The following EPB41L1 variants were observed in gnomAD, a reference collection of about 807,000 sequenced individuals.
EPB41L1 encodes the protein erythrocyte membrane protein band 4.1 like 1, also known as band 4.1-like protein 1.
Under a neutral mutation model 97.8 loss-of-function variants are expected in EPB41L1, and 29 were observed. The observed-to-expected ratio is 0.30, with a 90% CI of 0.22 to 0.40. The LOEUF is 0.40. Ranked by LOEUF, EPB41L1 falls within the 10% of genes least tolerant of loss-of-function variation. The pLI is 1.00. For synonymous variants in EPB41L1, 383 were observed against 459.2 expected (o/e 0.83, Z 2.12); for missense variants, 812 against 1,162.3 (o/e 0.70, Z 4.38).
intron 2 of EPB41L1, among the ~76,000 whole-genome samples, chr20:36,137,407 G>A (rs1345254465): frequency 6.6e-6 from 1 of 151,608 alleles, no homozygotes; most frequent in Non-Finnish European, 1.5e-5. Flanking sequence ...TTTGGATACA[G>A]ATTGGGTCTC....
chr20:36,227,253 G>A (rs1247681505), intron 21 of EPB41L1, among the ~76,000 whole-genome samples: 1 of 152,084 alleles, frequency 6.6e-6, no homozygotes. Flanking sequence ...GGAGGTCCAG[G>A]CTGCAATGAG....
At chr20:36,095,897 G>A (rs566970758) in intron 1 of EPB41L1, among the ~76,000 whole-genome samples, 123 of 152,158 alleles carry the variant, frequency 8.1e-4, no homozygotes, top group African/African-American at 2.9e-3. Flanking sequence ...ATGGTGGCAC[G>A]CGCCTGTAAT....
chr20:36,178,274 C>T (rs184250653), intron 4 of EPB41L1, among the ~76,000 whole-genome samples: 1 of 152,346 alleles, frequency 6.6e-6, no homozygotes, highest in African/African-American at 2.4e-5. Context: ...GAGCCCTGGT[C>T]TGGCTGCTAG....
At position 36,168,984 on chromosome 20, in the gene EPB41L1, T is replaced by C. The variant is rs191371445; in HGVS notation, c.-14-4780T>C. 4.7e-3 allele frequency among the ~76,000 whole-genome samples: 713 copies of C among 151,634 alleles called. 4 individuals carry two copies. Among genetic ancestry groups the C allele is most frequent in the Non-Finnish European group, 8.8e-3 (598 of 67,884 alleles). ...GGCTCACGCCTGTAATCCTAGCACTTTGGGAGGCCAAGGCGGGTGGATCAC... is the reference window on the plus strand; with the variant it reads ...GGCTCACGCCTGTAATCCTAGCACTCTGGGAGGCCAAGGCGGGTGGATCAC... On this transcript the variant is annotated intron_variant, in intron 1 of 21. Coordinates refer to ENST00000338074, the MANE Select transcript of EPB41L1 (RefSeq NM_012156.2).
intron 15 of EPB41L1, among the ~76,000 whole-genome samples, chr20:36,211,993 ATAG>A (rs2063159246): frequency 1.3e-5 from 2 of 152,240 alleles, no homozygotes; most frequent in South Asian, 4.1e-4. Flanking sequence ...AGATGTTCTA[ATAG>A]TAGCCTAAAA....
intron 2 of EPB41L1, chr20:36,125,430 T>C: frequency 1.3e-6 from 1 of 786,476 alleles, no homozygotes; most frequent in Non-Finnish European, 2.2e-6. Flanking sequence ...CAGGCTGCTG[T>C]TCGTACCTGC....
In EPB41L1 at chr20:36,232,638, TAAC is replaced by T; in HGVS notation, c.*3302_*3304del. The T allele has an allele frequency of 2.5e-6, 1 of 399,074 alleles. No individual in the cohort carries two copies. Among genetic ancestry groups the T allele is most frequent in the Non-Finnish European group, 4.4e-6 (1 of 226,086 alleles). 24.7% of individuals were successfully genotyped at this position (399,074 alleles called of 1,614,324 possible). ...ATAATTTTTTTTTTCAAAAGCACCTTAACAACCAATTGCGATGCTGTCCTGTTC... is the reference window on the plus strand; with the variant it reads ...ATAATTTTTTTTTTCAAAAGCACCTTAACCAATTGCGATGCTGTCCTGTTC... On this transcript the variant is annotated 3_prime_UTR_variant, in exon 22 of 22. Transcript: ENST00000338074.
chr20:36,139,740 A>ATTTATTTATTTATTTATTTT (rs943742073), intron 2 of EPB41L1, among the ~76,000 whole-genome samples: 1 of 151,648 alleles, frequency 6.6e-6, no homozygotes, highest in African/African-American at 2.4e-5. Flanking sequence ...TTATTTATTT[A>ATTTATTTATTTATTTATTTT]TTTTTTTTAA....
At chr20:36,100,576 G>C (rs1344490693) in intron 1 of EPB41L1, among the ~76,000 whole-genome samples, 1 of 152,224 alleles carries the variant, frequency 6.6e-6, no homozygotes, top group Non-Finnish European at 1.5e-5. Flanking sequence ...AAGTGAGGCA[G>C]AGATGATGAT....
chr20:36,214,434 C>T lies in EPB41L1; in HGVS notation c.2262C>T (p.Thr754=). 2 of 1,612,904 alleles carry T rather than the reference C, an allele frequency of 1.2e-6. No individual in the cohort carries two copies. Among genetic ancestry groups the T allele is most frequent in the African/African-American group, 1.3e-5 (1 of 74,976 alleles). The change falls in exon 17 of 22, where the codon ACC becomes ACT. Residue 754 remains threonine, a synonymous_variant. Coordinates refer to ENST00000338074, the MANE Select transcript of EPB41L1 (RefSeq NM_012156.2). ...TPSITTETIS[T]TMENSLKSGK... The stretch of plus-strand genomic sequence containing the variant: ...CCATCACCACGGAGACCATATCGAC[C>T]ACCATGGTAAGTTGAACCCAGGAGG...
At position 36,207,149 on chromosome 20, in the gene EPB41L1, C is replaced by G; in HGVS notation, c.1669-2339C>G. The G allele has an allele frequency of 7.8e-7, 1 of 1,289,546 alleles. No homozygotes were observed. The highest frequency in any genetic ancestry group is 1.0e-6 in the Non-Finnish European group (1 of 988,620). 79.9% of individuals were successfully genotyped at this position (1,289,546 alleles called of 1,614,324 possible). On this transcript the variant is annotated intron_variant, in intron 14 of 21. Coordinates refer to ENST00000338074, the MANE Select transcript of EPB41L1 (RefSeq NM_012156.2). This position sits in a 1 kb window ranked among gnomAD's most constrained non-coding sequence, Gnocchi z 4.9. ...CTGGAGGAAGCTTCTCCAAGCCCAA[C>G]CTCCCATGGGTCAGGGGAGCCTTCG...
At chr20:36,130,827 G>A (rs185277133) in intron 2 of EPB41L1, among the ~76,000 whole-genome samples, 112 of 148,614 alleles carry the variant, frequency 7.5e-4, no homozygotes, top group African/African-American at 2.6e-3. Flanking sequence ...TTTTTTCCCC[G>A]AGACAGAGTT....
At chr20:36,218,073 G>T (rs2063548005) in intron 17 of EPB41L1, among the ~76,000 whole-genome samples, 1 of 152,174 alleles carries the variant, frequency 6.6e-6, no homozygotes. Context: ...AGAATTTAAG[G>T]TAGGGCCAAG....
At chr20:36,168,265 A>T (rs1412518460) in intron 1 of EPB41L1, among the ~76,000 whole-genome samples, 2 of 152,236 alleles carry the variant, frequency 1.3e-5, no homozygotes, top group African/African-American at 2.4e-5. Context: ...TTTCCCCCAG[A>T]CAGAGTAAGT....
chr20:36,209,445 C>T lies in EPB41L1; in HGVS notation c.1669-43C>T. On this transcript the variant is annotated intron_variant, in intron 14 of 21. Transcript: ENST00000338074. This position sits in a 1 kb window ranked among gnomAD's most constrained non-coding sequence, Gnocchi z 4.2. ...TCTTGATTTCTCTTTCTCTCTCTCT[C>T]CCCACCCCACATCCCCATTCTTTTG... The T allele has an allele frequency of 6.3e-7, 1 of 1,598,054 alleles. No individual in the cohort carries two copies. Among genetic ancestry groups the T allele is most frequent in the South Asian group, 1.1e-5 (1 of 89,646 alleles).
intron 18 of EPB41L1, 103 bp downstream of exon 18, chr20:36,219,065 A>T: frequency 1.6e-6 from 2 of 1,256,196 alleles, no homozygotes; most frequent in Admixed American, 1.9e-5. Flanking sequence ...CCCAGAAGGC[A>T]CCCTTCTAGG....
intron 1 of EPB41L1, among the ~76,000 whole-genome samples, chr20:36,160,509 C>T (rs923227739): frequency 1.3e-5 from 2 of 151,578 alleles, no homozygotes; most frequent in African/African-American, 4.8e-5. Context: ...CTCTTGCACC[C>T]GGAAGGCAGA....
At position 36,212,227 on chromosome 20, in the gene EPB41L1, T is replaced by C; in HGVS notation, c.2080-45T>C. The C allele has an allele frequency of 6.3e-7, 1 of 1,584,388 alleles. No homozygotes were observed. ...TGCAATTGTCTGTGAGCAAGGGTCA[T>C]GCTAGGGTTTCAGTTACAGAGCATT... On this transcript the variant is annotated intron_variant, in intron 15 of 21. Transcript: ENST00000338074. The surrounding 1 kb of genome is among the most constrained non-coding windows in gnomAD (Gnocchi z 4.8).
intron 1 of EPB41L1, among the ~76,000 whole-genome samples, chr20:36,169,693 C>G (rs1470810695): frequency 6.6e-6 from 1 of 152,212 alleles, no homozygotes; most frequent in Non-Finnish European, 1.5e-5. Flanking sequence ...CAAATGCTCT[C>G]CCTGCATCTC....
Sources: allele counts gnomAD v4.1 joint callset (sites outside exome capture counted in the v4.1 genomes callset), GRCh38; gene constraint gnomAD v4.1.1; non-coding constraint Gnocchi (gnomAD v3.1); transcripts MANE v1.5; gene names NCBI Gene and HGNC (gene_info 2026-07-23, HGNC 2026-07-21).